Variants in NAMPT observed in about 807,000 individuals in gnomAD.
The protein encoded by NAMPT is NAmPRTase.
In NAMPT, 7 loss-of-function variants were observed where a neutral mutation model predicts 58.7. The ratio of observed to expected loss-of-function variants is 0.12; its 90% CI spans 0.07 to 0.22. NAMPT has a LOEUF of 0.22. NAMPT is among the 10% of genes least tolerant of loss of function. NAMPT has a pLI of 1.00. For synonymous variants in NAMPT, 145 were observed against 198.1 expected, an observed-to-expected ratio of 0.73 and a Z score of 2.25; for missense variants, 271 against 567.9, an observed-to-expected ratio of 0.48 and a Z score of 5.31.
chr7:106,271,428 C>T (rs1417255632), intron 4 of NAMPT, among the ~76,000 whole-genome samples: 2 of 152,078 alleles, frequency 1.3e-5, no homozygotes, highest in African/African-American at 4.8e-5. Flanking sequence ...AATGAATTGC[C>T]AACTCTCACT....
chr7:106,255,291 T>C (rs1562811838), intron 8 of NAMPT, among the ~76,000 whole-genome samples: 1 of 152,230 alleles, frequency 6.6e-6, no homozygotes, highest in Non-Finnish European at 1.5e-5. Flanking sequence ...CTTAATATAT[T>C]CAATCACTTT....
chr7:106,270,427 C>G (rs1256009793), intron 4 of NAMPT: 73 of 224,200 alleles, frequency 3.3e-4, no homozygotes, highest in African/African-American at 1.6e-3. Context: ...AAAGATTAAC[C>G]TTGAACTTGC....
intron 8 of NAMPT, among the ~76,000 whole-genome samples, chr7:106,259,308 GT>G (rs147281012): frequency 0.011 from 1,662 of 152,278 alleles, 74 homozygotes; most frequent in Admixed American, 0.071. Context: ...ATCTGTGAAG[GT>G]TGGAATCAAT....
chr7:106,276,313 A>C (rs1792641551), intron 2 of NAMPT: 3 of 152,336 alleles, frequency 2.0e-5, no homozygotes, highest in South Asian at 4.1e-4. Context: ...AAGAAAGCAC[A>C]GAAATTGGGG....
chr7:106,279,955 G>A (rs981849951), intron 1 of NAMPT, among the ~76,000 whole-genome samples: 2 of 152,058 alleles, frequency 1.3e-5, no homozygotes, highest in African/African-American at 2.4e-5. Context: ...AAGTATGGGG[G>A]CGGGGTGGGG....
intron 6 of NAMPT, among the ~76,000 whole-genome samples, chr7:106,265,567 T>TG (rs1554352150): frequency 8.6e-6 from 1 of 116,458 alleles, no homozygotes; most frequent in East Asian, 2.3e-4. Context: ...CTCAAAAGCT[T>TG]AAAAAAAAAA....
intron 8 of NAMPT, among the ~76,000 whole-genome samples, chr7:106,259,717 C>T (rs1383479456): frequency 9.2e-5 from 14 of 152,034 alleles, no homozygotes; most frequent in African/African-American, 9.7e-5. Flanking sequence ...CCACCACACC[C>T]GGCCAAGAAT....
upstream of NAMPT, chr7:106,285,240 C>G (rs1458045054): frequency 9.5e-6 from 9 of 944,020 alleles, no homozygotes; most frequent in Admixed American, 5.4e-5. Context: ...ACGTGATGCA[C>G]GCGCTCTTCC....
chr7:106,276,710 TGCATG>T, intron 2 of NAMPT: 1 of 254,652 alleles, frequency 3.9e-6, no homozygotes, highest in South Asian at 4.3e-5. Context: ...GGTGTGGTGG[TGCATG>T]CCTGTAATCC....
At chr7:106,263,288 T>G in intron 7 of NAMPT, 104 bp downstream of exon 7, 1 of 793,984 alleles carries the variant, frequency 1.3e-6, no homozygotes, top group Admixed American at 2.6e-5. Context: ...TAAAGGGGAC[T>G]GGTCCACACA....
Position 106,268,446 on chromosome 7 carries a change from AT to A in NAMPT, c.743+17del. 1 of 1,590,100 alleles carries A rather than the reference AT, an allele frequency of 6.3e-7. No homozygotes were observed. Among genetic ancestry groups the A allele is most frequent in the Non-Finnish European group, 8.5e-7 (1 of 1,171,502 alleles). On this transcript the variant is annotated intron_variant, in intron 6 of 10. Transcript: ENST00000222553. Reference sequence around the variant, plus strand: ...GTGAAAAAATTAGTAGTTTTAAAAAATGAACAGAATTTTTTACCTGTGTTCT... The same window carrying A: ...GTGAAAAAATTAGTAGTTTTAAAAAAGAACAGAATTTTTTACCTGTGTTCT...
Position 106,257,464 on chromosome 7 carries a change from T to TA in NAMPT, c.1090-2961dup, listed in dbSNP as rs58198836. On this transcript the variant is annotated intron_variant, in intron 8 of 10. Transcript: ENST00000222553. The stretch of plus-strand genomic sequence containing the variant: ...TGAGACCCCCATCTCTACAAAACAT[T>TA]AAAAAAAAAAAAAAAAAAGAGTCAG... 5.3e-3 allele frequency among the ~76,000 whole-genome samples: 664 copies of TA among 125,680 alleles called. 2 individuals are homozygous for TA. Among genetic ancestry groups the TA allele is most frequent in the African/African-American group, 8.4e-3 (276 of 32,714 alleles). The allele number at this position is 125,680 out of a possible 152,430, so 82.5% of individuals were successfully genotyped here.
chr7:106,262,898 C>T (rs10232724), intron 7 of NAMPT, among the ~76,000 whole-genome samples: 1,746 of 152,144 alleles, frequency 0.011, 39 homozygotes, highest in African/African-American at 0.04. Context: ...AAACCAAGTC[C>T]TTGAACATTA....
intron 1 of NAMPT, chr7:106,284,245 ACCGGGGCCAGGCGAGTGTCCTCCGCG>A (rs1792819789): frequency 6.6e-6 from 1 of 152,088 alleles, no homozygotes; most frequent in African/African-American, 2.4e-5. Context: ...CACTACGGCT[ACCGGGGCCAGGCGAGTGTCCTCCGCG>A]CCGGAGCCGC....
intron 6 of NAMPT, among the ~76,000 whole-genome samples, chr7:106,264,857 A>G (rs1255681328): frequency 1.3e-5 from 2 of 152,012 alleles, no homozygotes; most frequent in East Asian, 3.8e-4. Context: ...TGTCTGAAAT[A>G]ATCACTTTAT....
chr7:106,284,794 G>C (rs760257307), intron 1 of NAMPT, 34 bp downstream of exon 1: 2 of 1,121,520 alleles, frequency 1.8e-6, no homozygotes, highest in Non-Finnish European at 2.3e-6. Flanking sequence ...AGCGCGCCCC[G>C]CTCCTCCTCA....
At chr7:106,276,226 A>G (rs1276051677) in intron 2 of NAMPT, 1 of 152,196 alleles carries the variant, frequency 6.6e-6, no homozygotes, top group Non-Finnish European at 1.5e-5. Context: ...GTTTAATTCA[A>G]AAGGTTAGAG....
chr7:106,277,604 C>CTACTT (rs1792674700), intron 1 of NAMPT, among the ~76,000 whole-genome samples: 1 of 152,168 alleles, frequency 6.6e-6, no homozygotes, highest in Non-Finnish European at 1.5e-5. Context: ...CTTAACATGA[C>CTACTT]TACTTTACTT....
Position 106,261,699 on chromosome 7 carries a change from C to A in NAMPT, c.978G>T (p.Glu326Asp), listed in dbSNP as rs1251235359. Residue 326 changes from glutamate (E) to aspartate (D), a missense_variant, in exon 8 of 11, where the codon GAG (glutamate) becomes GAT (aspartate). Transcript: ENST00000222553. ...NPLDTVLKVL[E>D]ILGKKFPVTE... is the part of the protein sequence containing the mutation. Reference sequence around the variant, plus strand: ...TAACAGGAAACTTCTTACCTAAAATCTCCAAAACCTATATGGAAAAATACA... The same window carrying A: ...TAACAGGAAACTTCTTACCTAAAATATCCAAAACCTATATGGAAAAATACA... 6.2e-7 allele frequency: 1 copy of A among 1,606,060 alleles called. No homozygotes were observed. The highest frequency in any genetic ancestry group is 8.5e-7 in the Non-Finnish European group (1 of 1,172,870).
Sources: allele counts gnomAD v4.1 joint callset (sites outside exome capture counted in the v4.1 genomes callset), GRCh38; gene constraint gnomAD v4.1.1; transcripts MANE v1.5; gene names NCBI Gene and HGNC (gene_info 2026-07-23, HGNC 2026-07-21).